Variants in TCEA1 observed in about 807,000 individuals in gnomAD.
TCEA1 encodes the protein transcription elongation factor A protein 1.
TCEA1 carries 21 observed loss-of-function variants against 43.8 expected under a neutral mutation model. The ratio of observed to expected loss-of-function variants is 0.48; its 90% CI spans 0.34 to 0.69. The LOEUF (loss-of-function observed/expected upper bound fraction) is 0.69. Among genes scored for constraint, TCEA1 ranks in the 30% least tolerant of loss-of-function variants. TCEA1 has a pLI of 0.01. For missense variants in TCEA1, 250 were observed against 365.1 expected (o/e 0.68, Z 2.57); for synonymous variants, 104 against 117.5 (o/e 0.88, Z 0.75).
intron 3 of TCEA1, among the ~76,000 whole-genome samples, chr8:53,994,206 G>A (rs560013479): frequency 3.9e-5 from 6 of 152,108 alleles, no homozygotes; most frequent in Admixed American, 6.6e-5. Context: ...TTAGCCGGGC[G>A]TGGTGGTGCA....
intron 5 of TCEA1, among the ~76,000 whole-genome samples, chr8:53,987,654 A>G (rs1803731675): frequency 6.6e-6 from 1 of 152,210 alleles, no homozygotes; most frequent in Admixed American, 6.5e-5. Context: ...TTAAGACTGG[A>G]TACTTTCAAA....
At chr8:53,990,932 A>G (rs1404828171) in intron 4 of TCEA1, among the ~76,000 whole-genome samples, 2 of 152,170 alleles carry the variant, frequency 1.3e-5, no homozygotes, top group Non-Finnish European at 2.9e-5. Context: ...CTTTCTTTAC[A>G]TGACTCCTCA....
At chr8:53,977,964 T>C (rs1205655572) in intron 8 of TCEA1, among the ~76,000 whole-genome samples, 4 of 152,194 alleles carry the variant, frequency 2.6e-5, no homozygotes, top group African/African-American at 4.8e-5. Context: ...ACCAATACAA[T>C]TGCTTATGAA....
intron 2 of TCEA1, among the ~76,000 whole-genome samples, chr8:54,004,179 C>A (rs1804365645): frequency 6.6e-6 from 1 of 152,166 alleles, no homozygotes; most frequent in Non-Finnish European, 1.5e-5. Context: ...TCGTTTACTG[C>A]TACTAGGGAT....
At chr8:53,987,661 CAAATT>C (rs1395624763) in intron 5 of TCEA1, among the ~76,000 whole-genome samples, 2 of 152,100 alleles carry the variant, frequency 1.3e-5, no homozygotes, top group African/African-American at 4.8e-5. Flanking sequence ...TGGATACTTT[CAAATT>C]AAATTAAGCT....
intron 2 of TCEA1, among the ~76,000 whole-genome samples, chr8:54,006,923 C>T (rs963257426): frequency 2.0e-5 from 3 of 152,072 alleles, no homozygotes; most frequent in African/African-American, 7.2e-5. Flanking sequence ...CTGCAACCTC[C>T]GCCTCCTGGG....
chr8:53,989,150 TA>T (rs963622757), intron 4 of TCEA1, among the ~76,000 whole-genome samples: 3 of 152,104 alleles, frequency 2.0e-5, no homozygotes, highest in Non-Finnish European at 4.4e-5. Context: ...ATACCATGTG[TA>T]CTGATGAGTC....
intron 7 of TCEA1, 146 bp downstream of exon 7, chr8:53,984,217 A>T: frequency 1.5e-6 from 1 of 668,962 alleles, no homozygotes; most frequent in Non-Finnish European, 2.3e-6. Flanking sequence ...CAATCACCTT[A>T]AGTATTTGTC....
At chr8:54,014,160 C>T (rs149458190) in intron 1 of TCEA1, among the ~76,000 whole-genome samples, 14 of 152,314 alleles carry the variant, frequency 9.2e-5, no homozygotes, top group South Asian at 4.1e-4. Context: ...GTCATACTGA[C>T]GGGTAGTAAG....
intron 8 of TCEA1, among the ~76,000 whole-genome samples, chr8:53,976,821 T>C (rs1453135045): frequency 2.0e-5 from 3 of 152,204 alleles, no homozygotes; most frequent in South Asian, 2.1e-4. Context: ...CTTTTATCAG[T>C]GTTGATGCAT....
intron 2 of TCEA1, among the ~76,000 whole-genome samples, chr8:54,004,879 T>C (rs1440317375): frequency 6.6e-6 from 1 of 152,136 alleles, no homozygotes; most frequent in Non-Finnish European, 1.5e-5. Context: ...ATTCAGCATG[T>C]GGAATAATAT....
intron 4 of TCEA1, 36 bp from the exon 5 acceptor site, chr8:53,988,295 G>A (rs1445684276): frequency 6.3e-7 from 1 of 1,595,120 alleles, no homozygotes; most frequent in Non-Finnish European, 8.5e-7. Flanking sequence ...AAGAAATCAA[G>A]AACAATCCTT....
At chr8:53,989,955 G>T (rs1050853813) in intron 4 of TCEA1, among the ~76,000 whole-genome samples, 1 of 151,940 alleles carries the variant, frequency 6.6e-6, no homozygotes, top group Non-Finnish European at 1.5e-5. Context: ...ATATTTTTTG[G>T]CCGGGCAAGC....
chr8:54,008,548 T>C (rs1372200426), intron 2 of TCEA1, among the ~76,000 whole-genome samples: 1 of 149,534 alleles, frequency 6.7e-6, no homozygotes, highest in African/African-American at 2.5e-5. Flanking sequence ...TACTTGGGGG[T>C]AAGGGACGGG....
intron 3 of TCEA1, among the ~76,000 whole-genome samples, chr8:53,994,894 G>A (rs973115769): frequency 6.6e-6 from 1 of 151,160 alleles, no homozygotes; most frequent in Admixed American, 6.6e-5. Flanking sequence ...GGTAAGCAAT[G>A]AGATATTATG....
intron 4 of TCEA1, 128 bp from the exon 5 acceptor site, chr8:53,988,387 T>C (rs531997900): frequency 3.4e-4 from 382 of 1,134,312 alleles, no homozygotes; most frequent in Middle Eastern, 1.3e-3. Context: ...GTGACCTTTA[T>C]GTGATGGAAA....
chr8:54,012,112 A>T (rs191825221), intron 1 of TCEA1, among the ~76,000 whole-genome samples: 1 of 152,238 alleles, frequency 6.6e-6, no homozygotes, highest in Non-Finnish European at 1.5e-5. Context: ...GAAGTCTTCG[A>T]TCCCTTATCT....
chr8:54,009,011 G>A (rs1452474303), intron 2 of TCEA1, among the ~76,000 whole-genome samples: 1 of 151,672 alleles, frequency 6.6e-6, no homozygotes, highest in Non-Finnish European at 1.5e-5. Flanking sequence ...CACCACACCT[G>A]GCTAATTTTT....
chr8:53,985,769 G>A (rs968697404), intron 6 of TCEA1, among the ~76,000 whole-genome samples: 2 of 152,148 alleles, frequency 1.3e-5, no homozygotes, highest in African/African-American at 2.4e-5. Flanking sequence ...GCAAGAACAC[G>A]CTTCCTCTGG....
Sources: gnomAD v4.1 joint callset for allele counts (sites outside exome capture counted in the v4.1 genomes callset) on GRCh38, gnomAD v4.1.1 for gene constraint, MANE v1.5 for transcripts, NCBI Gene and HGNC (gene_info 2026-07-23, HGNC 2026-07-21) for gene names.